Variants in EML6 observed in about 807,000 individuals in gnomAD.
The protein encoded by EML6 is EMAP like 6.
A neutral mutation model predicts 240.1 loss-of-function variants in EML6; 154 were observed. That is an observed-to-expected ratio of 0.64 (90% CI 0.56 to 0.73). The LOEUF (loss-of-function observed/expected upper bound fraction) is 0.73, where lower values mean the gene tolerates loss of function less well. EML6 is among the 30% of genes least tolerant of loss of function. The probability of loss-of-function intolerance (pLI) is 0.00; values close to 1 mark genes in which losing one functional copy is unlikely to be tolerated. For synonymous variants in EML6, 1,148 were observed against 899.0 expected, an observed-to-expected ratio of 1.28 and a Z score of -4.95; for missense variants, 2,964 against 2,474.6, an observed-to-expected ratio of 1.20 and a Z score of -4.20.
intron 35 of EML6, among the ~76,000 whole-genome samples, chr2:54,961,777 G>C (rs1676527032): frequency 6.6e-6 from 1 of 151,864 alleles, no homozygotes; most frequent in Admixed American, 6.5e-5. Flanking sequence ...CCAAGAGGCA[G>C]GCACATCACT....
chr2:54,903,636 T>C (rs1573110226), intron 24 of EML6, 134 bp downstream of exon 24: 3 of 756,660 alleles, frequency 4.0e-6, no homozygotes, highest in South Asian at 4.6e-5. Flanking sequence ...TAAACGACTG[T>C]AATTTTACAA....
At chr2:54,826,291 A>AG (rs796975416) in intron 5 of EML6, among the ~76,000 whole-genome samples, 30 of 152,174 alleles carry the variant, frequency 2.0e-4, no homozygotes, top group African/African-American at 6.5e-4. Flanking sequence ...TTATAACCTG[A>AG]GGGGGGGCTA....
chr2:54,895,424 C>G (rs565755646), intron 21 of EML6, 24 bp downstream of exon 21: 219 of 1,550,758 alleles, frequency 1.4e-4, no homozygotes, highest in Non-Finnish European at 1.7e-4. Flanking sequence ...GTATTCTAAA[C>G]TGCAGTTCAC....
intron 2 of EML6, among the ~76,000 whole-genome samples, chr2:54,736,715 A>G (rs558491485): frequency 6.6e-6 from 1 of 152,180 alleles, no homozygotes; most frequent in African/African-American, 2.4e-5. Flanking sequence ...CTCAGTGCCT[A>G]TCCTTTTCTT....
rs1431563840 is a variant in EML6, at chr2:54,886,740, TAG to T, written c.2439-4311_2439-4310del. Among the ~76,000 whole-genome samples the T allele has an allele frequency of 1.2e-4, 18 of 152,232 alleles. No homozygotes were observed. The East Asian group carries it at 3.5e-3, about 29-fold the overall frequency. The stretch of plus-strand genomic sequence containing the variant: ...GACTGGGTATATTTTCTTTGTAGAA[TAG>T]AGTGATTTGTCTTTTTATTATTGAG... On this transcript the variant is annotated intron_variant, in intron 17 of 41. Transcript: ENST00000356458.
chr2:54,885,699 C>T (rs1329189445), intron 17 of EML6, among the ~76,000 whole-genome samples: 1 of 152,094 alleles, frequency 6.6e-6, no homozygotes, highest in Non-Finnish European at 1.5e-5. Flanking sequence ...GCAAGCTCCA[C>T]CTCCCAGGTT....
At chr2:54,815,106 C>A (rs78479577) in intron 3 of EML6, among the ~76,000 whole-genome samples, 2 of 152,182 alleles carry the variant, frequency 1.3e-5, no homozygotes, top group Non-Finnish European at 2.9e-5. Context: ...TGAAGTGTCA[C>A]AAGAAAATGT....
At chr2:54,875,449 C>T (rs748865513) in intron 16 of EML6, among the ~76,000 whole-genome samples, 1 of 152,208 alleles carries the variant, frequency 6.6e-6, no homozygotes, top group African/African-American at 2.4e-5. Context: ...CTGCCCATCT[C>T]TTAGGAGTTA....
At chr2:54,787,448 C>T (rs1669151175) in intron 2 of EML6, among the ~76,000 whole-genome samples, 1 of 152,130 alleles carries the variant, frequency 6.6e-6, no homozygotes, top group South Asian at 2.1e-4. Context: ...TGCCACTTAC[C>T]AGCTGTGTGG....
chr2:54,960,741 G>C lies in EML6; in HGVS notation c.4968+407G>C, dbSNP rs573681451. Among the ~76,000 whole-genome samples, 7 of 152,226 alleles carry C rather than the reference G, an allele frequency of 4.6e-5. No individual in the cohort carries two copies. In the South Asian group the frequency reaches 1.5e-3, roughly 32 times the overall value. On this transcript the variant is annotated intron_variant, in intron 35 of 41. Coordinates refer to ENST00000356458, the MANE Select transcript of EML6 (RefSeq NM_001039753.4). ...AAGCTATAGGGCCAGTAAGGAGGAG[G>C]GTAAGGGCCACCAAACTGTCTGACT...
At chr2:54,797,350 A>G (rs990142284) in intron 2 of EML6, among the ~76,000 whole-genome samples, 3 of 152,006 alleles carry the variant, frequency 2.0e-5, no homozygotes, top group African/African-American at 4.8e-5. Flanking sequence ...AGAGAAATGA[A>G]TATGGTCTGG....
intron 33 of EML6, 50 bp from the exon 34 acceptor site, chr2:54,959,054 G>T (rs1328742375): frequency 3.9e-5 from 58 of 1,490,670 alleles, no homozygotes; most frequent in Non-Finnish European, 5.0e-5. Context: ...GGCTGGGGAG[G>T]GACCCGCTTG....
intron 2 of EML6, among the ~76,000 whole-genome samples, chr2:54,743,573 T>C (rs1683760033): frequency 6.6e-6 from 1 of 152,194 alleles, no homozygotes; most frequent in South Asian, 2.1e-4. Context: ...CCATGTTCTT[T>C]CTATTACATG....
At chr2:54,783,380 C>T (rs1230120920) in intron 2 of EML6, among the ~76,000 whole-genome samples, 1 of 152,138 alleles carries the variant, frequency 6.6e-6, no homozygotes, top group East Asian at 1.9e-4. Flanking sequence ...TTCCCTTTAG[C>T]TAGTGTTTCA....
chr2:54,899,550 A>C, intron 21 of EML6, 91 bp from the exon 22 acceptor site: 1 of 1,258,478 alleles, frequency 7.9e-7, no homozygotes, highest in Non-Finnish European at 1.1e-6. Flanking sequence ...TTTTTGTGGT[A>C]CTCTTGGACT....
intron 5 of EML6, among the ~76,000 whole-genome samples, chr2:54,823,850 TTCTCTC>T (rs147852134): frequency 8.3e-5 from 6 of 72,262 alleles, no homozygotes; most frequent in Admixed American, 3.8e-4. Context: ...CATTCATTCA[TTCTCTC>T]TCTCTCTCTC....
chr2:54,735,311 C>G (rs1007691332), intron 2 of EML6, among the ~76,000 whole-genome samples: 1 of 152,204 alleles, frequency 6.6e-6, no homozygotes, highest in Non-Finnish European at 1.5e-5. Flanking sequence ...CTGTGCCTAG[C>G]ACCTTGTCAT....
intron 5 of EML6, among the ~76,000 whole-genome samples, chr2:54,822,819 A>G (rs527376600): frequency 2.0e-5 from 3 of 152,216 alleles, no homozygotes; most frequent in East Asian, 3.8e-4. Flanking sequence ...ACAACAATAT[A>G]TATTCCAAAA....
intron 11 of EML6, among the ~76,000 whole-genome samples, chr2:54,857,536 T>A (rs1246593471): frequency 6.6e-6 from 1 of 152,186 alleles, no homozygotes; most frequent in African/African-American, 2.4e-5. Context: ...CTACTGAAGG[T>A]CCACAGTTAA....
Sources: gnomAD v4.1 joint callset for allele counts (sites outside exome capture counted in the v4.1 genomes callset) on GRCh38, gnomAD v4.1.1 for gene constraint, MANE v1.5 for transcripts, NCBI Gene and HGNC (gene_info 2026-07-23, HGNC 2026-07-21) for gene names.